ZC3H18: variants seen among roughly 807,000 people sequenced by gnomAD.
ZC3H18 encodes the protein zinc finger CCCH domain-containing protein 18.
A neutral mutation model predicts 106.1 loss-of-function variants in ZC3H18; 8 were observed. The ratio of observed to expected loss-of-function variants is 0.08; its 90% confidence interval spans 0.04 to 0.14. The LOEUF is 0.14. Among genes scored for constraint, ZC3H18 ranks in the 10% least tolerant of loss-of-function variants. The pLI is 1.00. For missense variants in ZC3H18, 1,318 were observed against 1,278.4 expected (o/e 1.03, Z -0.47); for synonymous variants, 635 against 522.1 (o/e 1.22, Z -2.95).
intron 3 of ZC3H18, among the ~76,000 whole-genome samples, chr16:88,590,290 T>TA (rs1297203446): frequency 2.6e-5 from 4 of 152,186 alleles, no homozygotes; most frequent in African/African-American, 9.7e-5. Context: ...ATATAGAGAT[T>TA]AATCATTTAA....
At chr16:88,591,112 A>G (rs916656058) in intron 3 of ZC3H18, among the ~76,000 whole-genome samples, 2 of 151,920 alleles carry the variant, frequency 1.3e-5, no homozygotes, top group Non-Finnish European at 2.9e-5. Context: ...TTGGAACTAC[A>G]GGCGCCCGCC....
At chr16:88,581,446 A>G (rs1204895500) in intron 2 of ZC3H18, among the ~76,000 whole-genome samples, 1 of 152,190 alleles carries the variant, frequency 6.6e-6, no homozygotes, top group Non-Finnish European at 1.5e-5. Context: ...TTTAAACCAC[A>G]TAGCTTGTGC....
intron 1 of ZC3H18, among the ~76,000 whole-genome samples, chr16:88,572,200 C>T (rs1597312925): frequency 6.6e-6 from 1 of 152,232 alleles, no homozygotes; most frequent in African/African-American, 2.4e-5. Context: ...GAAGGTCATT[C>T]GCAATGAGAA....
intron 3 of ZC3H18, among the ~76,000 whole-genome samples, chr16:88,595,074 C>T (rs1027362405): frequency 2.6e-5 from 4 of 152,142 alleles, no homozygotes; most frequent in Non-Finnish European, 5.9e-5. Context: ...TCACTTGAAC[C>T]TGGGAGGCGG....
chr16:88,574,517 G>GT (rs769824256), intron 1 of ZC3H18, among the ~76,000 whole-genome samples: 6 of 151,278 alleles, frequency 4.0e-5, no homozygotes, highest in Non-Finnish European at 5.9e-5. Context: ...CCAGATTTGG[G>GT]TTTTTTTGGC....
chr16:88,625,495 A>C (rs1906247693), intron 13 of ZC3H18: 2 of 564,682 alleles, frequency 3.5e-6, no homozygotes, highest in East Asian at 3.1e-5. Flanking sequence ...AAGATTCACA[A>C]ACTCGGGGGC....
Position 88,591,161 on chromosome 16 carries a change from G to A in ZC3H18, c.688+4477G>A, listed in dbSNP as rs537211399. Among the ~76,000 whole-genome samples the A allele has an allele frequency of 2.6e-5, 4 of 151,928 alleles. No homozygotes were observed. The South Asian group carries it at 6.2e-4, about 24-fold the overall frequency. ...AATTTTTGTAGTTTTTGGTAGAGAC[G>A]GAGTTTCACTGTGTTAGCCAGGATG... On this transcript the variant is annotated intron_variant, in intron 3 of 17. Transcript: ENST00000301011.
At chr16:88,590,586 A>T in intron 3 of ZC3H18, among the ~76,000 whole-genome samples, 1 of 4,032 alleles carries the variant, frequency 2.5e-4, no homozygotes, top group African/African-American at 6.6e-4. Context: ...TTTTTGAGAC[A>T]GTGTCTCGCT....
At chr16:88,612,430 G>A (rs1283136910) in intron 8 of ZC3H18, among the ~76,000 whole-genome samples, 2 of 151,586 alleles carry the variant, frequency 1.3e-5, no homozygotes, top group Non-Finnish European at 2.9e-5. Context: ...TTGGGAGGCT[G>A]AGGCAGGTGG....
chr16:88,631,119 C>T lies in ZC3H18; in HGVS notation c.2682C>T (p.Pro894=). ...APADRKRQLS[P]QSKSSSKVTS... is the part of the protein sequence containing the mutation. ...CTTGTAGGAAGCGCCAGCTGTCACC[C>T]CAGTCCAAGAGCTCCAGCAAGGTCA... Residue 894 remains proline, a synonymous_variant, in exon 18 of 18, where the codon CCC becomes CCT. Coordinates refer to ENST00000301011, the MANE Select transcript of ZC3H18 (RefSeq NM_144604.4). The T allele has an allele frequency of 1.2e-6, 2 of 1,612,634 alleles. No homozygotes were observed. Among genetic ancestry groups the T allele is most frequent in the Non-Finnish European group, 1.7e-6 (2 of 1,180,016 alleles).
chr16:88,628,174 T>TGCTTCCTGAGACA, intron 15 of ZC3H18, 55 bp downstream of exon 15: 2 of 1,586,130 alleles, frequency 1.3e-6, no homozygotes, highest in Non-Finnish European at 1.7e-6. Flanking sequence ...TGGGTCCATC[T>TGCTTCCTGAGACA]GCTTCCTGAG....
At chr16:88,622,142 C>A in intron 8 of ZC3H18, 55 bp from the exon 9 acceptor site, 1 of 1,550,228 alleles carries the variant, frequency 6.5e-7, no homozygotes, top group Admixed American at 1.9e-5. Flanking sequence ...TCACACCTGG[C>A]ATTGCTGTGA....
rs745954903 is a variant in ZC3H18 at position 88,624,586 on chromosome 16, C to T, written c.1899-16C>T. On this transcript the variant is annotated splice_polypyrimidine_tract_variant and intron_variant, in intron 11 of 17. Coordinates refer to ENST00000301011, the MANE Select transcript of ZC3H18 (RefSeq NM_144604.4). ...GTCCACCAGCCCTGCCCTGCTCGAG[C>T]CTCCCTGTCTCACAGAGAGAAGTCA... is the stretch of plus-strand genomic sequence containing the variant. The T allele has an allele frequency of 6.2e-7, 1 of 1,613,530 alleles. No homozygotes were observed. Among genetic ancestry groups the T allele is most frequent in the East Asian group, 2.2e-5 (1 of 44,880 alleles).
Position 88,598,314 on chromosome 16 carries a change from C to T in ZC3H18, c.825C>T (p.Pro275=), listed in dbSNP as rs376634297. The change falls in exon 4 of 18, where the codon CCC becomes CCT. Residue 275 remains proline (P), a synonymous_variant. Coordinates refer to ENST00000301011, the MANE Select transcript of ZC3H18 (RefSeq NM_144604.4). ...CTCTCGGACCTCACCCGCTGATGCC[C>T]GCCAACCCTTGGGTGCGTGATGCCT... ...APPLGPHPLM[P]ANPWGGPVVD... 9.4e-5 allele frequency: 151 copies of T among 1,601,740 alleles called. 1 individual carries two copies. Among genetic ancestry groups the T allele is most frequent in the Admixed American group, 8.9e-4 (49 of 55,358 alleles).
At chr16:88,594,371 T>G (rs926356732) in intron 3 of ZC3H18, among the ~76,000 whole-genome samples, 1 of 152,206 alleles carries the variant, frequency 6.6e-6, no homozygotes, top group Non-Finnish European at 1.5e-5. Context: ...ATAAACCAAG[T>G]AAACACAGGG....
At chr16:88,607,731 G>C (rs1007053625) in intron 6 of ZC3H18, among the ~76,000 whole-genome samples, 3 of 150,914 alleles carry the variant, frequency 2.0e-5, no homozygotes, top group Non-Finnish European at 2.9e-5. Context: ...CACACTTCAT[G>C]TCTCTCAGGC....
At chr16:88,576,056 A>C (rs1914727799) in intron 1 of ZC3H18, among the ~76,000 whole-genome samples, 2 of 152,070 alleles carry the variant, frequency 1.3e-5, no homozygotes, top group Admixed American at 1.3e-4. Context: ...GCCTGCCACC[A>C]CGTGCAGCTA....
chr16:88,571,522 A>G, intron 1 of ZC3H18: 2 of 680,388 alleles, frequency 2.9e-6, no homozygotes, highest in Middle Eastern at 7.6e-4. Flanking sequence ...TCTTTTCCTG[A>G]TAATTTTACT....
chr16:88,588,751 G>A (rs1483221534), intron 3 of ZC3H18, among the ~76,000 whole-genome samples: 1 of 152,012 alleles, frequency 6.6e-6, no homozygotes, highest in Admixed American at 6.6e-5. Context: ...TTGGTGGCAC[G>A]CATGTGTAGT....
Sources: gnomAD v4.1 joint callset for allele counts (sites outside exome capture counted in the v4.1 genomes callset) on GRCh38, gnomAD v4.1.1 for gene constraint, MANE v1.5 for transcripts, NCBI Gene and HGNC (gene_info 2026-07-23, HGNC 2026-07-21) for gene names.